Variants in ARNT2 observed in about 807,000 individuals in gnomAD.
The protein encoded by ARNT2 is aryl hydrocarbon receptor nuclear translocator 2.
In ARNT2, 36 loss-of-function variants were observed where a neutral mutation model predicts 91.7. The observed-to-expected ratio is 0.39, with a 90% CI of 0.30 to 0.52. ARNT2 has a LOEUF of 0.52. ARNT2 is among the 20% of genes least tolerant of loss of function. The pLI is 0.72. For synonymous variants in ARNT2, 365 were observed against 347.1 expected (o/e 1.05, Z -0.57); for missense variants, 775 against 939.3 (o/e 0.83, Z 2.29).
chr15:80,465,237 G>T (rs371117509), intron 3 of ARNT2, among the ~76,000 whole-genome samples: 1 of 152,156 alleles, frequency 6.6e-6, no homozygotes, highest in Non-Finnish European at 1.5e-5. Flanking sequence ...CCTGGTGTCT[G>T]GTCTTCCAGT....
Position 80,523,241 on chromosome 15 carries a change from G to A in ARNT2, c.877+8836G>A, listed in dbSNP as rs564350717. 7.9e-5 allele frequency among the ~76,000 whole-genome samples: 12 copies of A among 152,320 alleles called. No individual in the cohort carries two copies. The South Asian group carries it at 2.5e-3, about 32-fold the overall frequency. ...GTGGACCACTGGAAGGGAGATTTCCGAGAGTGGCCCAGTTCACCGAGCATG... is the reference window on the plus strand; with the variant it reads ...GTGGACCACTGGAAGGGAGATTTCCAAGAGTGGCCCAGTTCACCGAGCATG... On this transcript the variant is annotated intron_variant, in intron 8 of 18. Transcript: ENST00000303329.
chr15:80,409,665 G>C (rs1895653722), intron 1 of ARNT2, among the ~76,000 whole-genome samples: 1 of 152,178 alleles, frequency 6.6e-6, no homozygotes, highest in South Asian at 2.1e-4. Context: ...AGTCACAAAA[G>C]AGTAACACAA....
chr15:80,583,574 C>G (rs537659217), intron 17 of ARNT2, among the ~76,000 whole-genome samples: 14 of 152,328 alleles, frequency 9.2e-5, no homozygotes, highest in African/African-American at 3.4e-4. Flanking sequence ...AGCAGCCTGC[C>G]CTTAGTAGGT....
chr15:80,442,944 C>G (rs1896217135), intron 1 of ARNT2: 1 of 985,314 alleles, frequency 1.0e-6, no homozygotes, highest in Non-Finnish European at 1.2e-6. Flanking sequence ...CTGGCGTGCC[C>G]TCCTTGCGGC....
intron 1 of ARNT2, among the ~76,000 whole-genome samples, chr15:80,412,721 A>G (rs371966015): frequency 2.6e-5 from 4 of 152,258 alleles, no homozygotes; most frequent in Admixed American, 6.5e-5. Flanking sequence ...TGTACACACC[A>G]TTGTATTGAA....
intron 5 of ARNT2, among the ~76,000 whole-genome samples, chr15:80,506,623 C>A (rs1216349950): frequency 6.6e-6 from 1 of 152,172 alleles, no homozygotes; most frequent in Admixed American, 6.5e-5. Flanking sequence ...CCTAGACAGG[C>A]AGAGGACTCA....
intron 6 of ARNT2, among the ~76,000 whole-genome samples, chr15:80,513,240 T>C (rs2141427562): frequency 6.6e-6 from 1 of 152,246 alleles, no homozygotes; most frequent in East Asian, 1.9e-4. Flanking sequence ...AGAGGATCAT[T>C]GTAAAGGGAG....
chr15:80,518,919 C>G (rs1291528430), intron 8 of ARNT2, among the ~76,000 whole-genome samples: 1 of 151,716 alleles, frequency 6.6e-6, no homozygotes, highest in Non-Finnish European at 1.5e-5. Context: ...CTCCCCCTAC[C>G]AGAGATTGGG....
intron 2 of ARNT2, among the ~76,000 whole-genome samples, chr15:80,455,938 TAAA>T (rs1388347908): frequency 1.3e-5 from 2 of 152,282 alleles, no homozygotes; most frequent in Admixed American, 1.3e-4. Context: ...CACGGGGTGT[TAAA>T]TAACCTTCAT....
intron 11 of ARNT2, among the ~76,000 whole-genome samples, chr15:80,561,107 G>A (rs1714162181): frequency 6.6e-6 from 1 of 152,192 alleles, no homozygotes; most frequent in Admixed American, 6.5e-5. Flanking sequence ...AGGTGACCAA[G>A]ATGTCCCTGT....
chr15:80,510,637 T>C (rs1897328490), intron 6 of ARNT2, among the ~76,000 whole-genome samples: 1 of 152,070 alleles, frequency 6.6e-6, no homozygotes, highest in Non-Finnish European at 1.5e-5. Context: ...AAGACTATCC[T>C]GGCCAACATG....
intron 8 of ARNT2, among the ~76,000 whole-genome samples, chr15:80,518,763 A>G (rs1277438659): frequency 6.6e-6 from 1 of 152,274 alleles, no homozygotes; most frequent in East Asian, 1.9e-4. Flanking sequence ...CCCTTAGGCC[A>G]TATGGGAAGG....
chr15:80,584,490 G>A lies in ARNT2; in HGVS notation c.1918+3086G>A, dbSNP rs541958488. ...ACTCCCGAGGGCACAGTGGGAAAGG[G>A]TGCAGGGAACAGAGCAGGTAAGAAT... On this transcript the variant is annotated intron_variant, in intron 17 of 18. Coordinates refer to ENST00000303329, the MANE Select transcript of ARNT2 (RefSeq NM_014862.4). Among the ~76,000 whole-genome samples, 4 of 152,300 alleles carry A rather than the reference G, an allele frequency of 2.6e-5. No individual in the cohort carries two copies. In the South Asian group the frequency reaches 6.2e-4, roughly 24 times the overall value.
chr15:80,532,404 T>C (rs971549481), intron 8 of ARNT2, among the ~76,000 whole-genome samples: 1 of 152,204 alleles, frequency 6.6e-6, no homozygotes, highest in Non-Finnish European at 1.5e-5. Flanking sequence ...TGCTATTCAT[T>C]GTACCATTGT....
At chr15:80,447,391 G>A (rs866402288) in intron 1 of ARNT2, among the ~76,000 whole-genome samples, 2 of 152,340 alleles carry the variant, frequency 1.3e-5, no homozygotes, top group Middle Eastern at 3.4e-3. Context: ...TCCAAAGTGT[G>A]ATTTCCTCCC....
At chr15:80,536,701 G>A (rs9989278) in intron 8 of ARNT2, among the ~76,000 whole-genome samples, 76,222 of 151,858 alleles carry the variant, frequency 0.5, 20,541 homozygotes, top group African/African-American at 0.7. Flanking sequence ...CTTAACTCCT[G>A]TATCAGCATC....
Position 80,594,214 on chromosome 15 carries a change from G to A in ARNT2, c.*516G>A, listed in dbSNP as rs7172912. 0.36 allele frequency: 56,281 copies of A among 155,050 alleles called. 11,844 individuals are homozygous for A. Among genetic ancestry groups the A allele is most frequent in the African/African-American group, 0.59 (24,678 of 41,524 alleles). 9.6% of individuals were successfully genotyped at this position (155,050 alleles called of 1,614,324 possible). A position where few individuals can be genotyped will look rare whatever the true frequency, so the allele number is the denominator to read the frequency against. ...CCAAGAAGCACAGAGACACAGAGGCGCCTGCCCCTCAGCTCCGCTGGTCTG... is the reference window on the plus strand; with the variant it reads ...CCAAGAAGCACAGAGACACAGAGGCACCTGCCCCTCAGCTCCGCTGGTCTG... On this transcript the variant is annotated 3_prime_UTR_variant, in exon 19 of 19. Transcript: ENST00000303329.
chr15:80,434,785 C>G (rs1896062541), intron 1 of ARNT2, among the ~76,000 whole-genome samples: 1 of 151,890 alleles, frequency 6.6e-6, no homozygotes, highest in African/African-American at 2.4e-5. Context: ...GAGGGGATGT[C>G]CAGGAGCAGG....
chr15:80,423,319 T>C (rs2141563138), intron 1 of ARNT2, among the ~76,000 whole-genome samples: 1 of 152,324 alleles, frequency 6.6e-6, no homozygotes, highest in Non-Finnish European at 1.5e-5. Flanking sequence ...TGAGGACTGA[T>C]GCTCAATGGA....
Sources: gnomAD v4.1 joint callset for allele counts (sites outside exome capture counted in the v4.1 genomes callset) on GRCh38, gnomAD v4.1.1 for gene constraint, MANE v1.5 for transcripts, NCBI Gene and HGNC (gene_info 2026-07-23, HGNC 2026-07-21) for gene names.